The following PLCL2 variants were observed in gnomAD, a reference collection of about 807,000 sequenced individuals.
PLCL2 encodes phospholipase C like 2, also known as inactive phospholipase C-like protein 2.
In PLCL2, 4 loss-of-function variants were observed where a neutral mutation model predicts 79.6. The observed-to-expected ratio is 0.05, with a 90% CI of 0.02 to 0.11. The LOEUF (loss-of-function observed/expected upper bound fraction) is 0.11. PLCL2 is among the 10% of genes least tolerant of loss of function. The pLI, the probability that PLCL2 is intolerant of heterozygous loss-of-function variation, is 1.00. For synonymous variants in PLCL2, 484 were observed against 457.7 expected (o/e 1.06, Z -0.73); for missense variants, 895 against 1,291.0 (o/e 0.69, Z 4.70).
chr3:17,075,829 C>T (rs1406290409), intron 5 of PLCL2, among the ~76,000 whole-genome samples: 2 of 152,208 alleles, frequency 1.3e-5, no homozygotes, highest in Non-Finnish European at 2.9e-5. Flanking sequence ...TTGAGTCATA[C>T]AAGTTAATGT....
At chr3:16,964,296 T>G (rs1559500600) in intron 1 of PLCL2, among the ~76,000 whole-genome samples, 1 of 151,928 alleles carries the variant, frequency 6.6e-6, no homozygotes, top group Non-Finnish European at 1.5e-5. Context: ...TTGCGATAGT[T>G]TCCTGAGAAT....
rs962340558 is a variant in PLCL2 at position 17,035,967 on chromosome 3, G to GT, written c.3019-6901dup. Among the ~76,000 whole-genome samples the GT allele has an allele frequency of 4.4e-4, 67 of 152,006 alleles. 1 individual carries two copies. Among genetic ancestry groups the GT allele is most frequent in the Admixed American group, 4.1e-3 (63 of 15,242 alleles). On this transcript the variant is annotated intron_variant, in intron 3 of 5. Transcript: ENST00000615277. ...TTTCTACAACTTTCTTTTATATAGGGTTTTTTCCCCCCTATAATTTGCGTA... is the reference window on the plus strand; with the variant it reads ...TTTCTACAACTTTCTTTTATATAGGGTTTTTTTCCCCCCTATAATTTGCGTA...
chr3:17,036,704 C>T (rs886900231), intron 3 of PLCL2, among the ~76,000 whole-genome samples: 8 of 152,162 alleles, frequency 5.3e-5, no homozygotes, highest in African/African-American at 1.9e-4. Flanking sequence ...CCACCAGGGA[C>T]GTTGAGCTTT....
At chr3:17,015,418 A>G (rs2064373069) in intron 3 of PLCL2, among the ~76,000 whole-genome samples, 2 of 152,194 alleles carry the variant, frequency 1.3e-5, no homozygotes, top group Non-Finnish European at 2.9e-5. Flanking sequence ...TGAGCTTAAC[A>G]CTAATGGGGT....
chr3:17,034,940 A>C (rs1013510943), intron 3 of PLCL2, among the ~76,000 whole-genome samples: 1 of 152,110 alleles, frequency 6.6e-6, no homozygotes, highest in Non-Finnish European at 1.5e-5. Context: ...CACGCCTGTA[A>C]ATGTTTAGCA....
At chr3:17,012,995 G>T (rs186902779) in intron 2 of PLCL2, among the ~76,000 whole-genome samples, 1 of 152,338 alleles carries the variant, frequency 6.6e-6, no homozygotes, top group Admixed American at 6.5e-5. Flanking sequence ...ATCTGACTGA[G>T]AAAATTCAAC....
intron 1 of PLCL2, among the ~76,000 whole-genome samples, chr3:16,966,266 T>C (rs1247352382): frequency 2.0e-5 from 3 of 149,298 alleles, no homozygotes; most frequent in Non-Finnish European, 3.0e-5. Context: ...TCTGCATCTA[T>C]TGAGATAATC....
intron 1 of PLCL2, among the ~76,000 whole-genome samples, chr3:16,918,834 C>G (rs962442377): frequency 3.3e-5 from 5 of 151,982 alleles, no homozygotes; most frequent in Non-Finnish European, 7.4e-5. Flanking sequence ...ATAAAGCAGT[C>G]AAAGTTAATG....
At chr3:16,993,334 C>T (rs1343238479) in intron 1 of PLCL2, among the ~76,000 whole-genome samples, 3 of 152,166 alleles carry the variant, frequency 2.0e-5, no homozygotes, top group Non-Finnish European at 4.4e-5. Flanking sequence ...TGGTTCCAGC[C>T]ATTCCTGTGG....
At position 17,011,142 on chromosome 3, in the gene PLCL2, A is replaced by G. The variant is rs753383069; in HGVS notation, c.1796A>G (p.Glu599Gly). ...GAEMSQRMGK[E>G]NMEQPNNVPV... ...GAAATGTCTCAGAGGATGGGAAAAG[A>G]GAACATGGAGCAACCCAATAATGTG... Residue 599 changes from glutamate (E) to glycine (G), a missense_variant, in exon 2 of 6, where the codon GAG (glutamate) becomes GGG (glycine). Physicochemically the swap from Glu to Gly is moderately conservative, Grantham distance 98. Coordinates refer to ENST00000615277, the MANE Select transcript of PLCL2 (RefSeq NM_001144382.2). This position sits in a 1 kb window ranked among gnomAD's most constrained non-coding sequence, Gnocchi z 7.9. The G allele has an allele frequency of 2.5e-6, 4 of 1,614,176 alleles. No individual in the cohort carries two copies. The highest frequency in any genetic ancestry group is 3.4e-6 in the Non-Finnish European group (4 of 1,180,020).
intron 1 of PLCL2, among the ~76,000 whole-genome samples, chr3:16,980,673 A>C (rs1235886638): frequency 6.7e-6 from 1 of 149,544 alleles, no homozygotes; most frequent in Admixed American, 6.6e-5. Flanking sequence ...GGCAGAGGGG[A>C]TCCTCACATC....
intron 1 of PLCL2, among the ~76,000 whole-genome samples, chr3:16,997,627 C>G (rs957741234): frequency 1.1e-4 from 16 of 151,900 alleles, no homozygotes; most frequent in African/African-American, 3.6e-4. Context: ...CAACCTCCAC[C>G]TCCGGGGTTC....
At chr3:17,059,791 A>G (rs1327558866) in intron 4 of PLCL2, among the ~76,000 whole-genome samples, 1 of 152,140 alleles carries the variant, frequency 6.6e-6, no homozygotes, top group Non-Finnish European at 1.5e-5. Flanking sequence ...AGTTCCCTGT[A>G]TTTCAGTTTA....
intron 1 of PLCL2, among the ~76,000 whole-genome samples, chr3:16,909,480 G>A (rs997005487): frequency 5.3e-5 from 8 of 152,148 alleles, no homozygotes; most frequent in African/African-American, 1.7e-4. Flanking sequence ...TTTAGATATC[G>A]CTATTTTTAC....
At chr3:16,988,140 G>A (rs548764040) in intron 1 of PLCL2, among the ~76,000 whole-genome samples, 2 of 152,280 alleles carry the variant, frequency 1.3e-5, no homozygotes, top group South Asian at 4.1e-4. Flanking sequence ...AGGTCGTGGA[G>A]TGTCTCCGCT....
intron 1 of PLCL2, among the ~76,000 whole-genome samples, chr3:16,924,707 T>C (rs557834561): frequency 6.6e-6 from 1 of 152,258 alleles, no homozygotes; most frequent in South Asian, 2.1e-4. Context: ...GTGATAGATT[T>C]CTCCTTTCAC....
intron 3 of PLCL2, among the ~76,000 whole-genome samples, chr3:17,039,603 A>G (rs2064698209): frequency 6.6e-6 from 1 of 152,220 alleles, no homozygotes; most frequent in Non-Finnish European, 1.5e-5. Flanking sequence ...ATTTTATAAC[A>G]GGTGTGACAA....
intron 3 of PLCL2, among the ~76,000 whole-genome samples, chr3:17,016,453 C>G (rs1218535822): frequency 3.3e-5 from 5 of 152,184 alleles, no homozygotes; most frequent in Non-Finnish European, 7.3e-5. Flanking sequence ...GAGTGGCACC[C>G]TCCTGCAGAG....
chr3:16,938,520 T>C (rs1259702321), intron 1 of PLCL2, among the ~76,000 whole-genome samples: 2 of 152,216 alleles, frequency 1.3e-5, no homozygotes, highest in South Asian at 2.1e-4. Flanking sequence ...AGTACACTTA[T>C]GGAAGATTGT....
Sources: gnomAD v4.1 joint callset for allele counts (sites outside exome capture counted in the v4.1 genomes callset) on GRCh38, gnomAD v4.1.1 for gene constraint, Gnocchi (gnomAD v3.1) non-coding constraint, MANE v1.5 for transcripts, NCBI Gene and HGNC (gene_info 2026-07-23, HGNC 2026-07-21) for gene names.